The following KTN1 variants were observed in gnomAD, a reference collection of about 807,000 sequenced individuals.
The protein encoded by KTN1 is kinectin.
A neutral mutation model predicts 222.5 loss-of-function variants in KTN1; 130 were observed. That is an observed-to-expected ratio of 0.58 (90% CI 0.51 to 0.68). The LOEUF (loss-of-function observed/expected upper bound fraction) is 0.68. Among genes scored for constraint, KTN1 ranks in the 30% least tolerant of loss-of-function variants. The pLI, the probability that KTN1 is intolerant of heterozygous loss-of-function variation, is 0.00. For synonymous variants in KTN1, 512 were observed against 496.3 expected (o/e 1.03, Z -0.42); for missense variants, 1,508 against 1,500.4 (o/e 1.01, Z -0.08).
intron 20 of KTN1, 87 bp from the exon 21 acceptor site, chr14:55,648,715 T>A (rs545864520): frequency 1.1e-6 from 1 of 873,242 alleles, no homozygotes; most frequent in Non-Finnish European, 1.9e-6. Flanking sequence ...AAGAAGCAGC[T>A]AAAGAAATGA....
At chr14:55,617,161 A>G (rs1781198077) in intron 3 of KTN1, among the ~76,000 whole-genome samples, 1 of 152,220 alleles carries the variant, frequency 6.6e-6, no homozygotes. Context: ...TGAAGACTAA[A>G]CAACTTAAAA....
At chr14:55,609,038 TA>T (rs544387840) in intron 1 of KTN1, among the ~76,000 whole-genome samples, 12,032 of 142,282 alleles carry the variant, frequency 0.085, 530 homozygotes, top group South Asian at 0.12. Context: ...TTTATTCTTC[TA>T]AAAAAAAAAA....
chr14:55,646,466 TTTCC>T (rs1197463350), intron 18 of KTN1, among the ~76,000 whole-genome samples: 11,044 of 52,300 alleles, frequency 0.21, 1,111 homozygotes, highest in South Asian at 0.24. Flanking sequence ...TTCCTTTTCC[TTTCC>T]TTTCCTTTCC....
chr14:55,679,462 T>C (rs945817986), intron 42 of KTN1, 103 bp from the exon 43 acceptor site: 6 of 924,602 alleles, frequency 6.5e-6, no homozygotes, highest in Non-Finnish European at 9.8e-6. Flanking sequence ...TCAGATTTTT[T>C]AATGTTTGTG....
Position 55,637,377 on chromosome 14 carries a change from CTT to C in KTN1, c.1716+25_1716+26del, listed in dbSNP as rs370256596. 1.2e-3 allele frequency: 1,379 copies of C among 1,196,818 alleles called. 6 individuals are homozygous for C. Among genetic ancestry groups the C allele is most frequent in the African/African-American group, 0.01 (621 of 61,874 alleles). 74.1% of individuals were successfully genotyped at this position (1,196,818 alleles called of 1,614,324 possible). ...AATGCAGGTTCAGGTATTTTTTCTT[CTT>C]TTTTTTTTTTTAAAAAAATACAGGT... On this transcript the variant is annotated intron_variant, in intron 11 of 43. Coordinates refer to ENST00000395314, the MANE Select transcript of KTN1 (RefSeq NM_001079521.2).
At chr14:55,582,057 G>T (rs2031793668) in intron 1 of KTN1, among the ~76,000 whole-genome samples, 2 of 152,080 alleles carry the variant, frequency 1.3e-5, no homozygotes, top group Admixed American at 6.5e-5. Context: ...TGAGCTTAGA[G>T]AATAAGGTGT....
intron 40 of KTN1, 72 bp from the exon 41 acceptor site, chr14:55,675,763 G>T (rs2045839351): frequency 1.0e-6 from 1 of 992,878 alleles, no homozygotes; most frequent in Non-Finnish European, 1.6e-6. Flanking sequence ...TCATTCTTCA[G>T]TCCTAGAGGT....
chr14:55,587,097 G>A (rs962643341), intron 1 of KTN1, among the ~76,000 whole-genome samples: 7 of 141,142 alleles, frequency 5.0e-5, no homozygotes, highest in Non-Finnish European at 7.9e-5. Flanking sequence ...ATAATGTGAG[G>A]CAGGGACTGT....
At chr14:55,633,414 G>A (rs2040751950) in intron 8 of KTN1, 73 bp downstream of exon 8, 3 of 839,922 alleles carry the variant, frequency 3.6e-6, no homozygotes, top group East Asian at 3.2e-5. Context: ...TATTAATAGC[G>A]TTTGATAGTA....
chr14:55,659,917 GT>G (rs2043929667), intron 31 of KTN1, among the ~76,000 whole-genome samples: 2 of 152,086 alleles, frequency 1.3e-5, no homozygotes, highest in African/African-American at 4.8e-5. Context: ...TGAGGGAGAT[GT>G]TTGTTTTTGT....
chr14:55,651,957 C>T (rs1555380557), intron 25 of KTN1, 30 bp downstream of exon 25: 2 of 1,414,808 alleles, frequency 1.4e-6, no homozygotes, highest in African/African-American at 1.4e-5. Context: ...TTTCCTTTTA[C>T]TATTTCTTTT....
intron 32 of KTN1, chr14:55,662,930 A>G (rs1206388145): frequency 2.2e-6 from 1 of 456,114 alleles, no homozygotes; most frequent in Non-Finnish European, 4.4e-6. Context: ...CAGCAGCAGC[A>G]GCAGCGCTGG....
intron 2 of KTN1, among the ~76,000 whole-genome samples, chr14:55,612,810 T>C (rs74653073): frequency 0.061 from 9,253 of 151,842 alleles, 392 homozygotes; most frequent in South Asian, 0.091. Flanking sequence ...CCTAGCACAT[T>C]GGGAGGCTGA....
intron 1 of KTN1, among the ~76,000 whole-genome samples, chr14:55,585,413 T>G (rs1487260802): frequency 6.6e-6 from 1 of 152,234 alleles, no homozygotes; most frequent in Non-Finnish European, 1.5e-5. Flanking sequence ...TTAAATGTTT[T>G]CACTTAAAAT....
chr14:55,591,806 C>A (rs1450980391), intron 1 of KTN1, among the ~76,000 whole-genome samples: 1 of 152,042 alleles, frequency 6.6e-6, no homozygotes, highest in African/African-American at 2.4e-5. Context: ...GGACTCCCGA[C>A]CTCAGGTGAT....
At chr14:55,662,832 A>G in intron 32 of KTN1, 1 of 455,678 alleles carries the variant, frequency 2.2e-6, no homozygotes, top group Admixed American at 2.3e-5. Flanking sequence ...GCTTAGCCAC[A>G]AAACTTGAGG....
chr14:55,634,500 G>A (rs754751617), intron 8 of KTN1, 26 bp from the exon 9 acceptor site: 1 of 1,570,532 alleles, frequency 6.4e-7, no homozygotes, highest in Admixed American at 2.0e-5. Flanking sequence ...ATAACGGAAG[G>A]CTCCTAATCC....
intron 38 of KTN1, 65 bp from the exon 39 acceptor site, chr14:55,672,859 TTTGTC>T: frequency 3.1e-6 from 4 of 1,275,324 alleles, no homozygotes; most frequent in Middle Eastern, 1.9e-4. Flanking sequence ...GTGTCATAAT[TTTGTC>T]TTGTGGGGAA....
intron 33 of KTN1, among the ~76,000 whole-genome samples, chr14:55,666,770 T>C (rs1166350759): frequency 6.6e-6 from 1 of 151,974 alleles, no homozygotes; most frequent in Non-Finnish European, 1.5e-5. Context: ...AAGTTGGAAA[T>C]AAGAGAGTTA....
Sources: allele counts gnomAD v4.1 joint callset (sites outside exome capture counted in the v4.1 genomes callset), GRCh38; gene constraint gnomAD v4.1.1; transcripts MANE v1.5; gene names NCBI Gene and HGNC (gene_info 2026-07-23, HGNC 2026-07-21).